NHLH2: variants seen among roughly 807,000 people sequenced by gnomAD.
NHLH2 encodes the protein helix-loop-helix protein 2.
Under a neutral mutation model 7.3 loss-of-function variants are expected in NHLH2, and 7 were observed. The ratio of observed to expected loss-of-function variants is 0.96; its 90% CI spans 0.55 to 1.81. The LOEUF (loss-of-function observed/expected upper bound fraction) is 1.81, where lower values mean the gene tolerates loss of function less well. NHLH2 is among the 40% of genes most tolerant of loss of function. The pLI is 0.00. For synonymous variants in NHLH2, 93 were observed against 91.6 expected, an observed-to-expected ratio of 1.01 and a Z score of -0.09; for missense variants, 155 against 194.0, an observed-to-expected ratio of 0.80 and a Z score of 1.19.
At chr1:115,832,336 T>C (rs1183918997), downstream of NHLH2, among the ~76,000 whole-genome samples, 2 of 152,194 alleles carry the variant, frequency 1.3e-5, no homozygotes, top group African/African-American at 4.8e-5. Flanking sequence ...GTTGAGTTAG[T>C]AATGTATCAT....
downstream of NHLH2, among the ~76,000 whole-genome samples, chr1:115,834,097 C>G (rs911008845): frequency 2.6e-5 from 4 of 152,234 alleles, no homozygotes; most frequent in African/African-American, 9.6e-5. Flanking sequence ...ACCCATTCCT[C>G]TCTCCTCAGT....
At chr1:115,838,491 C>T in intron 2 of NHLH2, 111 bp from the exon 3 acceptor site, 1 of 1,278,652 alleles carries the variant, frequency 7.8e-7, no homozygotes, top group African/African-American at 1.5e-5. Context: ...CGGCCCGGGC[C>T]CCCTCCCCAC....
intron 2 of NHLH2, chr1:115,839,933 A>G (rs997966751): frequency 6.0e-6 from 1 of 167,076 alleles, no homozygotes; most frequent in Non-Finnish European, 1.5e-5. Context: ...GGGTACGTTT[A>G]TGAGTAGAAC....
At position 115,836,494 on chromosome 1, in the gene NHLH2, G is replaced by A. The variant is rs1177501299; in HGVS notation, c.*1471C>T. ...ACTACAAAATATTGCATTATATAAA[G>A]CAACAGAGACACAAAAAAACCCTGA... On this transcript the variant is annotated 3_prime_UTR_variant, in exon 3 of 3. Coordinates refer to ENST00000320238, the MANE Select transcript of NHLH2 (RefSeq NM_005599.3). 1 of 152,428 alleles carries A rather than the reference G, an allele frequency of 6.6e-6. No homozygotes were observed. The highest frequency in any genetic ancestry group is 2.4e-5 in the African/African-American group (1 of 41,374). 9.4% of individuals were successfully genotyped at this position (152,428 alleles called of 1,614,324 possible).
downstream of NHLH2, among the ~76,000 whole-genome samples, chr1:115,834,172 G>A (rs1650813861): frequency 1.3e-5 from 2 of 152,146 alleles, no homozygotes; most frequent in Admixed American, 1.3e-4. Flanking sequence ...TCCCTGGAGA[G>A]GAAGGTTGTT....
downstream of NHLH2, among the ~76,000 whole-genome samples, chr1:115,833,142 G>A (rs756673487): frequency 3.9e-5 from 6 of 152,202 alleles, no homozygotes; most frequent in Admixed American, 2.0e-4. Flanking sequence ...TAGAAGCAGC[G>A]TGAGAATGGG....
At chr1:115,838,447 G>A in intron 2 of NHLH2, 67 bp from the exon 3 acceptor site, 2 of 1,531,102 alleles carry the variant, frequency 1.3e-6, no homozygotes, top group East Asian at 2.4e-5. Flanking sequence ...GATGGCTGCC[G>A]AGGCCTACCA....
chr1:115,834,253 G>T (rs1003832813), downstream of NHLH2, among the ~76,000 whole-genome samples: 8 of 152,194 alleles, frequency 5.3e-5, no homozygotes, highest in African/African-American at 1.7e-4. Flanking sequence ...AAGTCCATTT[G>T]GGTGGAGAAA....
chr1:115,838,535 T>G, intron 2 of NHLH2, 155 bp from the exon 3 acceptor site: 1 of 805,342 alleles, frequency 1.2e-6, no homozygotes. Context: ...AGGGCGCCGA[T>G]AGGATCTGGC....
At chr1:115,838,618 T>C in intron 2 of NHLH2, 1 of 437,254 alleles carries the variant, frequency 2.3e-6, no homozygotes, top group Non-Finnish European at 4.1e-6. Flanking sequence ...GGCCGCATAC[T>C]AGACTGGACA....
In NHLH2 at chr1:115,838,198, G is replaced by A. The variant is rs1027284707; in HGVS notation, c.175C>T (p.His59Tyr). ...KGGSRAALYP[H>Y]PQQLSREEKR... ...TCCTCGCGGCTCAGCTGCTGCGGGTGCGGGTAGAGCGCGGCTCGGCTGCCG... is the reference window on the plus strand; with the variant it reads ...TCCTCGCGGCTCAGCTGCTGCGGGTACGGGTAGAGCGCGGCTCGGCTGCCG... Residue 59 changes from histidine to tyrosine, a missense_variant, in exon 3 of 3, where the codon CAC becomes TAC. By Grantham distance (83) the His-to-Tyr change is moderately conservative (BLOSUM62 2). Coordinates refer to ENST00000320238, the MANE Select transcript of NHLH2 (RefSeq NM_005599.3). 1.3e-6 allele frequency: 2 copies of A among 1,566,722 alleles called. No homozygotes were observed. The highest frequency in any genetic ancestry group is 2.3e-5 in the South Asian group (2 of 86,370).
In NHLH2 at chr1:115,837,064, A is replaced by C. The variant is rs1650890655; in HGVS notation, c.*901T>G. The C allele has an allele frequency of 6.6e-6, 1 of 152,492 alleles. No individual in the cohort carries two copies. The highest frequency in any genetic ancestry group is 1.5e-5 in the Non-Finnish European group (1 of 68,038). The allele number at this position is 152,492 out of a possible 1,614,324, so 9.4% of individuals were successfully genotyped here. A position where few individuals can be genotyped will look rare whatever the true frequency, so the allele number is the denominator to read the frequency against. ...AACACTTGACTATAAATAAATTGGC[A>C]CAGAGTATCCAAAGTAAAAGTATCA... On this transcript the variant is annotated 3_prime_UTR_variant, in exon 3 of 3. Coordinates refer to ENST00000320238, the MANE Select transcript of NHLH2 (RefSeq NM_005599.3).
intron 2 of NHLH2, chr1:115,839,481 C>G (rs1244201337): frequency 6.0e-6 from 1 of 166,884 alleles, no homozygotes; most frequent in Non-Finnish European, 1.5e-5. Context: ...GAAACGCCAC[C>G]TGGCCAGGCT....
chr1:115,837,168 C>A lies in NHLH2; in HGVS notation c.*797G>T, dbSNP rs1650894876. 6.6e-6 allele frequency: 1 copy of A among 152,478 alleles called. No homozygotes were observed. Among genetic ancestry groups the A allele is most frequent in the Non-Finnish European group, 1.5e-5 (1 of 68,010 alleles). The allele number at this position is 152,478 out of a possible 1,614,324, so 9.4% of individuals were successfully genotyped here. A position where few individuals can be genotyped will look rare whatever the true frequency, so the allele number is the denominator to read the frequency against. On this transcript the variant is annotated 3_prime_UTR_variant, in exon 3 of 3. Transcript: ENST00000320238. ...ATAAAAATAGGTTGTCTTTTTCTAA[C>A]TGCACCTATGGGTCCACATGTTTAA...
chr1:115,838,716 G>T, intron 2 of NHLH2: 1 of 280,780 alleles, frequency 3.6e-6, no homozygotes, highest in Non-Finnish European at 6.9e-6. Context: ...GGGTTTTTGT[G>T]CCTCTTCCGG....
At chr1:115,839,640 G>C (rs1651006213) in intron 2 of NHLH2, 1 of 166,652 alleles carries the variant, frequency 6.0e-6, no homozygotes, top group African/African-American at 2.4e-5. Context: ...CACCGCCCCT[G>C]GGCGTCGGGA....
In NHLH2 at chr1:115,837,138, C is replaced by T. The variant is rs139292196; in HGVS notation, c.*827G>A. The T allele has an allele frequency of 5.5e-3, 843 of 152,536 alleles. 6 individuals are homozygous for T. The highest frequency in any genetic ancestry group is 0.019 in the African/African-American group (797 of 41,562). 9.4% of individuals were successfully genotyped at this position (152,536 alleles called of 1,614,324 possible). On this transcript the variant is annotated 3_prime_UTR_variant, in exon 3 of 3. Coordinates refer to ENST00000320238, the MANE Select transcript of NHLH2 (RefSeq NM_005599.3). ...GAAAAAAATACTCTACTCCTTCTAA[C>T]ATAAATAAAAATAGGTTGTCTTTTT...
At position 115,837,941 on chromosome 1, in the gene NHLH2, C is replaced by T. The variant is rs757379354; in HGVS notation, c.*24G>A. On this transcript the variant is annotated 3_prime_UTR_variant, in exon 3 of 3. Transcript: ENST00000320238. ...AGCGTTTCGCGGACGCCGGGACAGG[C>T]GGCCCCCCGCGGCGCACCCCGCCCT... is the stretch of plus-strand genomic sequence containing the variant. The T allele has an allele frequency of 1.3e-6, 2 of 1,581,472 alleles. No individual in the cohort carries two copies. Among genetic ancestry groups the T allele is most frequent in the Non-Finnish European group, 1.7e-6 (2 of 1,166,514 alleles).
chr1:115,834,270 G>C (rs1364232194), downstream of NHLH2, among the ~76,000 whole-genome samples: 1 of 152,256 alleles, frequency 6.6e-6, no homozygotes, highest in Non-Finnish European at 1.5e-5. Context: ...GAAATATTCA[G>C]CACAGGCAGT....
Sources: gnomAD v4.1 joint callset for allele counts (sites outside exome capture counted in the v4.1 genomes callset) on GRCh38, gnomAD v4.1.1 for gene constraint, MANE v1.5 for transcripts, NCBI Gene and HGNC (gene_info 2026-07-23, HGNC 2026-07-21) for gene names.